Variants in CERS6 observed in about 807,000 individuals in gnomAD.
The protein encoded by CERS6 is ceramide synthase 6.
In CERS6, 26 loss-of-function variants were observed where a neutral mutation model predicts 56.8. The ratio of observed to expected loss-of-function variants is 0.46; its 90% CI spans 0.34 to 0.63. The LOEUF is 0.63. Ranked by LOEUF, CERS6 falls within the 30% of genes least tolerant of loss-of-function variation. CERS6 has a pLI of 0.01. For missense variants in CERS6, 415 were observed against 467.5 expected, an observed-to-expected ratio of 0.89 and a Z score of 1.04; for synonymous variants, 164 against 173.3, an observed-to-expected ratio of 0.95 and a Z score of 0.42.
chr2:168,736,714 C>G (rs1204969284), intron 8 of CERS6, among the ~76,000 whole-genome samples: 1 of 152,200 alleles, frequency 6.6e-6, no homozygotes. Flanking sequence ...GAAGAATAAT[C>G]CAGCTGCAAC....
intron 1 of CERS6, among the ~76,000 whole-genome samples, chr2:168,503,842 T>G (rs1419050610): frequency 2.6e-5 from 4 of 152,178 alleles, no homozygotes; most frequent in African/African-American, 9.7e-5. Flanking sequence ...AAACAAAGCA[T>G]ATAGAAGTTG....
intron 1 of CERS6, among the ~76,000 whole-genome samples, chr2:168,472,776 G>A (rs942599625): frequency 6.6e-6 from 1 of 152,182 alleles, no homozygotes; most frequent in Admixed American, 6.5e-5. Flanking sequence ...GATTAAGGAT[G>A]TTAAATAGGA....
chr2:168,546,594 T>C (rs1695469913), intron 1 of CERS6, among the ~76,000 whole-genome samples: 1 of 152,220 alleles, frequency 6.6e-6, no homozygotes, highest in South Asian at 2.1e-4. Flanking sequence ...CATCAACTGT[T>C]ATTAAGGAAG....
chr2:168,537,678 T>G (rs896783368), intron 1 of CERS6, among the ~76,000 whole-genome samples: 2 of 152,232 alleles, frequency 1.3e-5, no homozygotes, highest in African/African-American at 4.8e-5. Flanking sequence ...GTTTATTTCT[T>G]GAATCTCCTC....
intron 8 of CERS6, among the ~76,000 whole-genome samples, chr2:168,760,787 G>T (rs933200668): frequency 6.7e-6 from 1 of 149,586 alleles, no homozygotes; most frequent in Admixed American, 6.6e-5. Flanking sequence ...ACGGAGTCTT[G>T]CTCTGTCGCC....
rs1684828025 is a variant in CERS6, at chr2:168,770,148, A to G, written c.*486A>G. On this transcript the variant is annotated 3_prime_UTR_variant, in exon 10 of 10. Coordinates refer to ENST00000305747, the MANE Select transcript of CERS6 (RefSeq NM_203463.3). ...TTGCTTTCTTTTAGTTACAGTGCCC[A>G]TTTTGAAATTGCCTATACAGTCTTA... 1 of 160,056 alleles carries G rather than the reference A, an allele frequency of 6.2e-6. No individual in the cohort carries two copies. Among genetic ancestry groups the G allele is most frequent in the Non-Finnish European group, 1.4e-5 (1 of 73,756 alleles). The allele number at this position is 160,056 out of a possible 1,614,324, so 9.9% of individuals were successfully genotyped here.
chr2:168,727,948 A>G (rs556018755), intron 8 of CERS6, among the ~76,000 whole-genome samples: 6 of 152,220 alleles, frequency 3.9e-5, no homozygotes, highest in Non-Finnish European at 8.8e-5. Flanking sequence ...GATGTGAAAG[A>G]GGTTAGATGG....
In CERS6 at chr2:168,517,509, A is replaced by G. The variant is rs187857317; in HGVS notation, c.171-30087A>G. Among the ~76,000 whole-genome samples the G allele has an allele frequency of 1.6e-3, 235 of 150,682 alleles. 2 individuals carry two copies. The highest frequency in any genetic ancestry group is 4.2e-3 in the African/African-American group (171 of 41,038). On this transcript the variant is annotated intron_variant, in intron 1 of 9. Coordinates refer to ENST00000305747, the MANE Select transcript of CERS6 (RefSeq NM_203463.3). ...ACTGCCTCAAAAAATAAATAAATAAATAAATAAATAAATAATAAAATAAAA... is the reference window on the plus strand; with the variant it reads ...ACTGCCTCAAAAAATAAATAAATAAGTAAATAAATAAATAATAAAATAAAA...
intron 3 of CERS6, among the ~76,000 whole-genome samples, chr2:168,630,640 T>C (rs1339160636): frequency 9.2e-5 from 14 of 152,212 alleles, no homozygotes; most frequent in Non-Finnish European, 4.4e-5. Flanking sequence ...ATTATTTGTC[T>C]GATTCAGATA....
At chr2:168,611,516 C>T (rs1240143795) in intron 3 of CERS6, among the ~76,000 whole-genome samples, 7 of 152,176 alleles carry the variant, frequency 4.6e-5, no homozygotes, top group Admixed American at 4.6e-4. Context: ...GATTTTAAAA[C>T]CCATGAATAA....
At chr2:168,675,649 A>G (rs879820284) in intron 4 of CERS6, among the ~76,000 whole-genome samples, 2 of 152,182 alleles carry the variant, frequency 1.3e-5, no homozygotes, top group African/African-American at 2.4e-5. Context: ...TAAATGTTTT[A>G]CAAGGTAACA....
chr2:168,605,329 G>A (rs1310312222), intron 3 of CERS6, among the ~76,000 whole-genome samples: 1 of 152,242 alleles, frequency 6.6e-6, no homozygotes, highest in African/African-American at 2.4e-5. Flanking sequence ...CATTCAAGAT[G>A]TAGCCTGGCT....
At chr2:168,514,904 A>G (rs1694858882) in intron 1 of CERS6, among the ~76,000 whole-genome samples, 2 of 152,184 alleles carry the variant, frequency 1.3e-5, no homozygotes, top group Non-Finnish European at 2.9e-5. Flanking sequence ...CCAGCATAAC[A>G]AGACTGACTT....
chr2:168,516,208 C>T (rs1482930507), intron 1 of CERS6, among the ~76,000 whole-genome samples: 1 of 152,146 alleles, frequency 6.6e-6, no homozygotes, highest in Non-Finnish European at 1.5e-5. Flanking sequence ...TAACATCTTC[C>T]TCTGCAGTTC....
rs145808231 is a variant in CERS6 at position 168,589,474 on chromosome 2, G to A, written c.407+28152G>A. Among the ~76,000 whole-genome samples the A allele has an allele frequency of 3.8e-3, 583 of 152,210 alleles. 3 individuals are homozygous for A. Among genetic ancestry groups the A allele is most frequent in the African/African-American group, 0.013 (554 of 41,532 alleles). On this transcript the variant is annotated intron_variant, in intron 3 of 9. Coordinates refer to ENST00000305747, the MANE Select transcript of CERS6 (RefSeq NM_203463.3). ...CTCCCCTTCTCTGACTGCCTCCCTC[G>A]TTATATAACAATGCAGCAAGTTCAA...
At chr2:168,476,483 T>C (rs1301410970) in intron 1 of CERS6, among the ~76,000 whole-genome samples, 2 of 152,050 alleles carry the variant, frequency 1.3e-5, no homozygotes, top group Admixed American at 6.6e-5. Flanking sequence ...GATAGATAGA[T>C]GATAGATAGA....
chr2:168,774,564 A>C lies in CERS6; in HGVS notation c.*4902A>C, dbSNP rs1237568962. 1 of 152,118 alleles carries C rather than the reference A, an allele frequency of 6.6e-6. No homozygotes were observed. The highest frequency in any genetic ancestry group is 1.5e-5 in the Non-Finnish European group (1 of 68,016). The allele number at this position is 152,118 out of a possible 1,614,324, so 9.4% of individuals were successfully genotyped here. Reference sequence around the variant, plus strand: ...TTCAGTGAAAAATTCTATTTCATTGAGACAATTTTTTCTTTATCCACAGTA... The same window carrying C: ...TTCAGTGAAAAATTCTATTTCATTGCGACAATTTTTTCTTTATCCACAGTA... On this transcript the variant is annotated 3_prime_UTR_variant, in exon 10 of 10. Transcript: ENST00000305747.
chr2:168,728,094 A>ACT (rs1683401434), intron 8 of CERS6, among the ~76,000 whole-genome samples: 1 of 152,202 alleles, frequency 6.6e-6, no homozygotes, highest in African/African-American at 2.4e-5. Flanking sequence ...TTGTATCAGT[A>ACT]AAGTTTTATT....
At chr2:168,521,385 A>G (rs528753314) in intron 1 of CERS6, among the ~76,000 whole-genome samples, 2 of 152,294 alleles carry the variant, frequency 1.3e-5, no homozygotes, top group South Asian at 2.1e-4. Flanking sequence ...GATAACGCCT[A>G]CCCTGTAAGC....
Sources: allele counts gnomAD v4.1 joint callset (sites outside exome capture counted in the v4.1 genomes callset), GRCh38; gene constraint gnomAD v4.1.1; transcripts MANE v1.5; gene names NCBI Gene and HGNC (gene_info 2026-07-23, HGNC 2026-07-21).